Variants in MLLT3 observed in about 807,000 individuals in gnomAD.
The protein encoded by MLLT3 is MLLT3 super elongation complex subunit.
Under a neutral mutation model 53.2 loss-of-function variants are expected in MLLT3, and 4 were observed. The ratio of observed to expected loss-of-function variants is 0.08; its 90% CI spans 0.04 to 0.17. The LOEUF (loss-of-function observed/expected upper bound fraction) is 0.17. Ranked by LOEUF, MLLT3 falls within the 10% of genes least tolerant of loss-of-function variation. The probability of loss-of-function intolerance (pLI) is 1.00; values close to 1 mark genes in which losing one functional copy is unlikely to be tolerated. For missense variants in MLLT3, 569 were observed against 684.0 expected (o/e 0.83, Z 1.87); for synonymous variants, 283 against 230.6 (o/e 1.23, Z -2.06).
intron 7 of MLLT3, among the ~76,000 whole-genome samples, chr9:20,361,271 A>G (rs1821315267): frequency 6.6e-6 from 1 of 152,246 alleles, no homozygotes; most frequent in Non-Finnish European, 1.5e-5. Flanking sequence ...AAGGTCAGCA[A>G]AATTAGTTTG....
chr9:20,530,741 C>T lies in MLLT3; in HGVS notation c.194-73955G>A, dbSNP rs115317237. ...TACATCCTGGGTTTCAATCGATTCT[C>T]CTGCCTCAGCCTTCCAAGTAGCTGG... On this transcript the variant is annotated intron_variant, in intron 2 of 10. Coordinates refer to ENST00000380338, the MANE Select transcript of MLLT3 (RefSeq NM_004529.4). Among the ~76,000 whole-genome samples, 865 of 152,284 alleles carry T rather than the reference C, an allele frequency of 5.7e-3. 8 individuals are homozygous for T. Among genetic ancestry groups the T allele is most frequent in the African/African-American group, 0.019 (808 of 41,558 alleles).
intron 2 of MLLT3, among the ~76,000 whole-genome samples, chr9:20,578,712 AATT>A (rs1390028346): frequency 1.3e-5 from 2 of 152,032 alleles, no homozygotes; most frequent in African/African-American, 4.8e-5. Flanking sequence ...AAATATGATC[AATT>A]ACTAGAAAAC....
intron 2 of MLLT3, among the ~76,000 whole-genome samples, chr9:20,563,937 T>C (rs1819284385): frequency 6.6e-6 from 1 of 152,094 alleles, no homozygotes; most frequent in South Asian, 2.1e-4. Context: ...AATAAATAAA[T>C]AAGCAAGTGA....
rs780937669 is a variant in MLLT3 at position 20,406,889 on chromosome 9, C to T, written c.1125+6832G>A. Among the ~76,000 whole-genome samples the T allele has an allele frequency of 5.5e-4, 84 of 152,218 alleles. 2 individuals carry two copies. Among genetic ancestry groups the T allele is most frequent in the Non-Finnish European group, 2.2e-4 (15 of 68,042 alleles). On this transcript the variant is annotated intron_variant, in intron 5 of 10. Transcript: ENST00000380338. The stretch of plus-strand genomic sequence containing the variant: ...GACTTTATCTGGGAATATATCACTG[C>T]ACAATCACCTTTGGTGACCTAAGGA...
intron 2 of MLLT3, among the ~76,000 whole-genome samples, chr9:20,587,095 T>C (rs1257506608): frequency 6.6e-6 from 1 of 151,918 alleles, no homozygotes; most frequent in Non-Finnish European, 1.5e-5. Flanking sequence ...CTTAAAATAA[T>C]GTTAATATAC....
intron 5 of MLLT3, among the ~76,000 whole-genome samples, chr9:20,385,489 A>C (rs147242286): frequency 6.6e-6 from 1 of 152,288 alleles, no homozygotes; most frequent in East Asian, 1.9e-4. Flanking sequence ...ACCTTTCAAA[A>C]ATTTTTACAA....
intron 5 of MLLT3, among the ~76,000 whole-genome samples, chr9:20,378,832 C>T (rs989014417): frequency 6.6e-6 from 1 of 151,942 alleles, no homozygotes; most frequent in Non-Finnish European, 1.5e-5. Context: ...CAAGACAGCC[C>T]TCATGTGAAA....
At chr9:20,597,098 C>A (rs1820292694) in intron 2 of MLLT3, among the ~76,000 whole-genome samples, 1 of 151,892 alleles carries the variant, frequency 6.6e-6, no homozygotes, top group Admixed American at 6.6e-5. Flanking sequence ...TTGTTCATTG[C>A]AAGTACGTAG....
intron 2 of MLLT3, among the ~76,000 whole-genome samples, chr9:20,590,434 C>T (rs1169828003): frequency 6.6e-6 from 1 of 152,206 alleles, no homozygotes; most frequent in African/African-American, 2.4e-5. Flanking sequence ...ACCATGGGGG[C>T]AGTTTCCCCC....
At chr9:20,618,276 T>C (rs1045295541) in intron 2 of MLLT3, among the ~76,000 whole-genome samples, 6 of 152,238 alleles carry the variant, frequency 3.9e-5, no homozygotes, top group Non-Finnish European at 7.3e-5. Context: ...GTACTGGAAG[T>C]AGACATACAA....
intron 2 of MLLT3, among the ~76,000 whole-genome samples, chr9:20,570,593 A>G (rs1215543798): frequency 1.3e-5 from 2 of 152,224 alleles, no homozygotes; most frequent in Non-Finnish European, 2.9e-5. Flanking sequence ...TTATGACATG[A>G]GTAGAAAATG....
At chr9:20,403,094 G>A (rs1163028905) in intron 5 of MLLT3, among the ~76,000 whole-genome samples, 1 of 151,386 alleles carries the variant, frequency 6.6e-6, no homozygotes, top group Non-Finnish European at 1.5e-5. Context: ...CCAACTGGGG[G>A]CCTGCATCCG....
At chr9:20,597,529 C>A (rs1820305690) in intron 2 of MLLT3, among the ~76,000 whole-genome samples, 1 of 152,106 alleles carries the variant, frequency 6.6e-6, no homozygotes, top group Non-Finnish European at 1.5e-5. Flanking sequence ...CCTCAGAAGA[C>A]CATCTACTTT....
chr9:20,432,966 A>C (rs1383764326), intron 4 of MLLT3, among the ~76,000 whole-genome samples: 2 of 152,170 alleles, frequency 1.3e-5, no homozygotes, highest in African/African-American at 4.8e-5. Context: ...TTTACTATAC[A>C]GTAGGCACCT....
chr9:20,598,667 A>C (rs971202585), intron 2 of MLLT3, among the ~76,000 whole-genome samples: 3 of 152,232 alleles, frequency 2.0e-5, no homozygotes, highest in Admixed American at 6.5e-5. Flanking sequence ...ATGATCAGTA[A>C]ACTGAATCCA....
Position 20,414,001 on chromosome 9 carries a change from C to G in MLLT3, c.845G>C (p.Ser282Thr), listed in dbSNP as rs771233862. Reference sequence around the variant, plus strand: ...AGAATCTGAAATGGGCGGCCTTTTACTAGGAGCCTTCTTATCTTGTCCACT... The same window carrying G: ...AGAATCTGAAATGGGCGGCCTTTTAGTAGGAGCCTTCTTATCTTGTCCACT... ...ITSGQDKKAP[S>T]KRPPISDSEE... Residue 282 changes from serine to threonine, a missense_variant, in exon 5 of 11, where the codon AGT (serine) becomes ACT (threonine). Coordinates refer to ENST00000380338, the MANE Select transcript of MLLT3 (RefSeq NM_004529.4). 6.2e-7 allele frequency: 1 copy of G among 1,614,164 alleles called. No homozygotes were observed. The highest frequency in any genetic ancestry group is 8.5e-7 in the Non-Finnish European group (1 of 1,180,032).
intron 2 of MLLT3, among the ~76,000 whole-genome samples, chr9:20,552,453 C>G (rs964908874): frequency 2.0e-5 from 3 of 152,140 alleles, no homozygotes; most frequent in Admixed American, 2.0e-4. Flanking sequence ...ATCAGCTCAT[C>G]ACATGCGGCA....
intron 2 of MLLT3, among the ~76,000 whole-genome samples, chr9:20,604,511 A>G (rs1587124157): frequency 6.6e-6 from 1 of 152,092 alleles, no homozygotes; most frequent in East Asian, 1.9e-4. Flanking sequence ...AAATATAATC[A>G]TGTTAAAATT....
At chr9:20,602,941 A>C (rs1248491685) in intron 2 of MLLT3, among the ~76,000 whole-genome samples, 5 of 152,282 alleles carry the variant, frequency 3.3e-5, no homozygotes, top group Middle Eastern at 3.4e-3. Flanking sequence ...ATATGCCATA[A>C]TTCCACAAAT....
Sources: allele counts gnomAD v4.1 joint callset (sites outside exome capture counted in the v4.1 genomes callset), GRCh38; gene constraint gnomAD v4.1.1; transcripts MANE v1.5; gene names NCBI Gene and HGNC (gene_info 2026-07-23, HGNC 2026-07-21).